SPON1: variants seen among roughly 807,000 people sequenced by gnomAD.
SPON1 encodes spondin-1.
SPON1 carries 52 observed loss-of-function variants against 111.7 expected under a neutral mutation model. The observed-to-expected ratio is 0.47, with a 90% CI of 0.37 to 0.59. The LOEUF (loss-of-function observed/expected upper bound fraction) is 0.59, where lower values mean the gene tolerates loss of function less well. Ranked by LOEUF, SPON1 falls within the 20% of genes least tolerant of loss-of-function variation. SPON1 has a pLI of 0.00. For synonymous variants in SPON1, 410 were observed against 395.8 expected (o/e 1.04, Z -0.43); for missense variants, 957 against 1,068.5 (o/e 0.90, Z 1.46).
At chr11:14,006,577 C>T (rs912889716) in intron 2 of SPON1, among the ~76,000 whole-genome samples, 4 of 152,116 alleles carry the variant, frequency 2.6e-5, no homozygotes, top group Admixed American at 6.5e-5. Flanking sequence ...TTTGCTTGGT[C>T]GCACGTGGTG....
At chr11:14,019,357 TTA>T (rs1554914585) in intron 2 of SPON1, among the ~76,000 whole-genome samples, 1 of 150,498 alleles carries the variant, frequency 6.6e-6, no homozygotes, top group Non-Finnish European at 1.5e-5. Context: ...TGTATATTAA[TTA>T]TATATTATAC....
intron 13 of SPON1, among the ~76,000 whole-genome samples, chr11:14,260,356 C>T (rs2133927186): frequency 1.3e-5 from 2 of 152,168 alleles, no homozygotes; most frequent in South Asian, 4.2e-4. Context: ...ACCCTCATGT[C>T]ATAACCATCG....
intron 2 of SPON1, among the ~76,000 whole-genome samples, chr11:13,991,770 G>A (rs3993091): frequency 0.095 from 14,411 of 151,890 alleles, 724 homozygotes; most frequent in South Asian, 0.18. Context: ...TTGAGTGGAC[G>A]TGCTATTCCT....
chr11:14,036,612 G>T (rs1338527033), intron 2 of SPON1, among the ~76,000 whole-genome samples: 1 of 152,210 alleles, frequency 6.6e-6, no homozygotes, highest in Admixed American at 6.5e-5. Flanking sequence ...ACTCAGAGAA[G>T]CAGCCAACAC....
At position 14,265,629 on chromosome 11, in the gene SPON1, A is replaced by T; in HGVS notation, c.2366A>T (p.Gln789Leu). ...GTAAAGAAGAGATTCAAAAGCTCCC[A>T]GTTTACCAGCTGCAAAGACAAGAAG... is the stretch of plus-strand genomic sequence containing the variant. ...MTVKKRFKSS[Q>L]FTSCKDKKEI... is the part of the protein sequence containing the mutation. Residue 789 changes from glutamine to leucine, a missense_variant, in exon 16 of 16, where the codon CAG becomes CTG. By Grantham distance (113) the Gln-to-Leu change is moderately radical (BLOSUM62 -2). Coordinates refer to ENST00000576479, the MANE Select transcript of SPON1 (RefSeq NM_006108.4). 1.2e-6 allele frequency: 2 copies of T among 1,613,808 alleles called. No individual in the cohort carries two copies. The highest frequency in any genetic ancestry group is 1.7e-6 in the Non-Finnish European group (2 of 1,179,826).
At position 14,242,149 on chromosome 11, in the gene SPON1, C is replaced by T. The variant is rs148150041; in HGVS notation, c.826-1183C>T. ...CAGAAAGCTTTTTATAACCTCTGGG[C>T]CTGAGCCTCAGAGACACCACTGTCC... is the stretch of plus-strand genomic sequence containing the variant. On this transcript the variant is annotated intron_variant, in intron 6 of 15. Coordinates refer to ENST00000576479, the MANE Select transcript of SPON1 (RefSeq NM_006108.4). 2.5e-3 allele frequency among the ~76,000 whole-genome samples: 388 copies of T among 152,288 alleles called. 1 individual carries two copies. Among genetic ancestry groups the T allele is most frequent in the African/African-American group, 8.7e-3 (362 of 41,552 alleles).
chr11:14,023,405 C>T (rs1162336488), intron 2 of SPON1, among the ~76,000 whole-genome samples: 1 of 151,874 alleles, frequency 6.6e-6, no homozygotes, highest in Non-Finnish European at 1.5e-5. Flanking sequence ...GACAGGCAGT[C>T]AAAGGTGAGG....
intron 2 of SPON1, among the ~76,000 whole-genome samples, chr11:14,028,012 A>G (rs111631629): frequency 0.01 from 1,578 of 152,288 alleles, 39 homozygotes; most frequent in African/African-American, 0.035. Context: ...GCAGGTCCTC[A>G]TGTGAAAAAT....
chr11:14,171,194 G>T (rs1848095207), intron 6 of SPON1, among the ~76,000 whole-genome samples: 2 of 152,162 alleles, frequency 1.3e-5, no homozygotes, highest in African/African-American at 4.8e-5. Context: ...TCTATTCAGG[G>T]ATTCAACTTC....
rs1245777364 is a variant in SPON1, at chr11:14,086,348, A to G, written c.676+6327A>G. ...AATACATAATTTACTGAGAGTTTTT[A>G]GCATGAAGCAGTGTTGAATTTTACT... On this transcript the variant is annotated intron_variant, in intron 5 of 15. Coordinates refer to ENST00000576479, the MANE Select transcript of SPON1 (RefSeq NM_006108.4). Among the ~76,000 whole-genome samples the G allele has an allele frequency of 3.3e-5, 5 of 152,348 alleles. No homozygotes were observed. The East Asian group carries it at 7.7e-4, about 23-fold the overall frequency.
intron 3 of SPON1, among the ~76,000 whole-genome samples, chr11:14,070,202 G>C (rs1554920770): frequency 6.6e-6 from 1 of 152,106 alleles, no homozygotes; most frequent in Non-Finnish European, 1.5e-5. Flanking sequence ...AAATATTGCT[G>C]GTTATAAACT....
At chr11:14,091,446 C>A (rs960922133) in intron 5 of SPON1, among the ~76,000 whole-genome samples, 1 of 152,202 alleles carries the variant, frequency 6.6e-6, no homozygotes, top group Non-Finnish European at 1.5e-5. Context: ...TCAGGCATGG[C>A]GGGCTGCAGG....
chr11:14,011,759 G>A lies in SPON1; in HGVS notation c.345+28806G>A, dbSNP rs115717403. 5.2e-3 allele frequency among the ~76,000 whole-genome samples: 796 copies of A among 152,250 alleles called. 9 individuals are homozygous for A. Among genetic ancestry groups the A allele is most frequent in the African/African-American group, 0.018 (735 of 41,542 alleles). ...GGATCTGATGGACAAATAAAAGTTA[G>A]AGAGTGGATGAGGATGGAAGAGGAG... is the stretch of plus-strand genomic sequence containing the variant. On this transcript the variant is annotated intron_variant, in intron 2 of 15. Transcript: ENST00000576479.
intron 5 of SPON1, among the ~76,000 whole-genome samples, chr11:14,098,651 G>A (rs1455831471): frequency 1.9e-5 from 1 of 52,122 alleles, no homozygotes; most frequent in Non-Finnish European, 3.7e-5. Context: ...GATATGAAAG[G>A]CAGAGAGAGA....
intron 7 of SPON1, among the ~76,000 whole-genome samples, chr11:14,247,633 A>G (rs2133920724): frequency 6.6e-6 from 1 of 152,236 alleles, no homozygotes; most frequent in Non-Finnish European, 1.5e-5. Flanking sequence ...CGTAGGAGGT[A>G]AAATCAACAG....
chr11:14,130,192 G>C (rs575446206), intron 5 of SPON1, among the ~76,000 whole-genome samples: 590 of 152,314 alleles, frequency 3.9e-3, no homozygotes, highest in Non-Finnish European at 5.2e-3. Flanking sequence ...TGAGGTTCAA[G>C]CCCAGGTCTG....
intron 5 of SPON1, among the ~76,000 whole-genome samples, chr11:14,112,928 C>T (rs1849236539): frequency 6.6e-6 from 1 of 152,142 alleles, no homozygotes; most frequent in African/African-American, 2.4e-5. Context: ...TCCCTGATCT[C>T]GCCTAACACC....
At chr11:14,188,176 G>T (rs1456910010) in intron 6 of SPON1, among the ~76,000 whole-genome samples, 1 of 152,108 alleles carries the variant, frequency 6.6e-6, no homozygotes, top group Non-Finnish European at 1.5e-5. Flanking sequence ...CCAAAGTGCT[G>T]GGATTACAGG....
chr11:14,003,747 G>A (rs1848337775), intron 2 of SPON1, among the ~76,000 whole-genome samples: 1 of 152,120 alleles, frequency 6.6e-6, no homozygotes, highest in African/African-American at 2.4e-5. Context: ...AATGGTTACT[G>A]CAGTGAAGTA....
Sources: allele counts gnomAD v4.1 joint callset (sites outside exome capture counted in the v4.1 genomes callset), GRCh38; gene constraint gnomAD v4.1.1; transcripts MANE v1.5; gene names NCBI Gene and HGNC (gene_info 2026-07-23, HGNC 2026-07-21).